PRKCB: variants seen among roughly 807,000 people sequenced by gnomAD.
The protein encoded by PRKCB is protein kinase C beta.
Under a neutral mutation model 81.5 loss-of-function variants are expected in PRKCB, and 13 were observed. That is an observed-to-expected ratio of 0.16 (90% CI 0.10 to 0.25). The LOEUF (loss-of-function observed/expected upper bound fraction) is 0.25. PRKCB is among the 10% of genes least tolerant of loss of function. PRKCB has a pLI of 1.00. For missense variants in PRKCB, 509 were observed against 875.7 expected (o/e 0.58, Z 5.29); for synonymous variants, 335 against 321.4 (o/e 1.04, Z -0.45).
chr16:23,890,591 GGCTA>G (rs1350131723), intron 2 of PRKCB, among the ~76,000 whole-genome samples: 1 of 152,188 alleles, frequency 6.6e-6, no homozygotes, highest in East Asian at 1.9e-4. Flanking sequence ...ATGGGCAAGA[GGCTA>G]GCTAGCTCCA....
chr16:24,156,700 A>T (rs1967165401), intron 10 of PRKCB, among the ~76,000 whole-genome samples: 1 of 152,242 alleles, frequency 6.6e-6, no homozygotes, highest in Non-Finnish European at 1.5e-5. Flanking sequence ...GGGTACACCT[A>T]ACCTTACTAG....
In PRKCB at chr16:24,154,747, G is replaced by A. The variant is rs1158950782; in HGVS notation, c.1129G>A (p.Val377Ile). ...LYAVKILKKD[V>I]VIQDDDVECT... Reference sequence around the variant, plus strand: ...TGCTGTGAAGATCCTGAAGAAGGACGTTGTGATCCAAGATGATGACGTGGA... The same window carrying A: ...TGCTGTGAAGATCCTGAAGAAGGACATTGTGATCCAAGATGATGACGTGGA... The change falls in exon 10 of 17, where the codon GTT (valine) becomes ATT (isoleucine). Residue 377 changes from valine to isoleucine, a missense_variant. Physicochemically the swap from Val to Ile is conservative, Grantham distance 29. Coordinates refer to ENST00000643927, the MANE Select transcript of PRKCB (RefSeq NM_002738.7). 5 of 1,614,082 alleles carry A rather than the reference G, an allele frequency of 3.1e-6. No individual in the cohort carries two copies. The highest frequency in any genetic ancestry group is 3.4e-6 in the Non-Finnish European group (4 of 1,180,030).
At chr16:24,023,658 G>T (rs185413769) in intron 3 of PRKCB, among the ~76,000 whole-genome samples, 1 of 152,094 alleles carries the variant, frequency 6.6e-6, no homozygotes, top group Non-Finnish European at 1.5e-5. Flanking sequence ...GTGAGCCACC[G>T]CACCCGGCCA....
chr16:24,201,660 C>T (rs1967959112), intron 16 of PRKCB, among the ~76,000 whole-genome samples: 1 of 151,838 alleles, frequency 6.6e-6, no homozygotes, highest in Admixed American at 6.6e-5. Flanking sequence ...CTAATCCAGA[C>T]ATTTTGAAAA....
chr16:23,922,040 T>G (rs1963833154), intron 2 of PRKCB, among the ~76,000 whole-genome samples: 1 of 152,188 alleles, frequency 6.6e-6, no homozygotes, highest in Non-Finnish European at 1.5e-5. Flanking sequence ...AATTACTGAC[T>G]GAGATGTTTG....
intron 5 of PRKCB, among the ~76,000 whole-genome samples, chr16:24,071,853 A>G (rs1966112256): frequency 6.6e-6 from 1 of 152,102 alleles, no homozygotes; most frequent in African/African-American, 2.4e-5. Flanking sequence ...AGTTGCAGTA[A>G]CCATGCCCAA....
chr16:24,007,375 G>T (rs1216627673), intron 3 of PRKCB, among the ~76,000 whole-genome samples: 1 of 152,196 alleles, frequency 6.6e-6, no homozygotes, highest in East Asian at 1.9e-4. Flanking sequence ...CTGCAAAATG[G>T]AAAGGCATCT....
At chr16:24,131,678 A>G (rs1966853571) in intron 9 of PRKCB, among the ~76,000 whole-genome samples, 1 of 152,184 alleles carries the variant, frequency 6.6e-6, no homozygotes, top group Admixed American at 6.5e-5. Flanking sequence ...ATATATGTGA[A>G]ATCACAAGTT....
At chr16:24,199,869 C>A (rs948595570) in intron 16 of PRKCB, among the ~76,000 whole-genome samples, 1 of 152,260 alleles carries the variant, frequency 6.6e-6, no homozygotes, top group African/African-American at 2.4e-5. Context: ...TGCACAAGAC[C>A]CTTGTAAAGA....
chr16:24,013,847 C>T (rs2141839316), intron 3 of PRKCB, among the ~76,000 whole-genome samples: 1 of 151,170 alleles, frequency 6.6e-6, no homozygotes, highest in South Asian at 2.1e-4. Context: ...TCAGTTAGGG[C>T]CCTTGTCTAT....
At chr16:23,956,608 T>C (rs1964352440) in intron 2 of PRKCB, among the ~76,000 whole-genome samples, 2 of 152,222 alleles carry the variant, frequency 1.3e-5, no homozygotes, top group South Asian at 4.1e-4. Flanking sequence ...TTTTTAGTTG[T>C]AATAGATATT....
rs1597232114 is a variant in PRKCB at position 23,893,201 on chromosome 16, A to T, written c.205+55795A>T. On this transcript the variant is annotated intron_variant, in intron 2 of 16. Transcript: ENST00000643927. ...GGGAGAAGTAAGAAGGAAACATGAG[A>T]CAGAGAGGCAGCAGGAGCAGAATGA... 7 of 152,416 alleles carry T rather than the reference A, an allele frequency of 4.6e-5. 1 individual carries two copies. The highest frequency in any genetic ancestry group is 4.6e-4 in the Admixed American group (7 of 15,298). 9.4% of individuals were successfully genotyped at this position (152,416 alleles called of 1,614,324 possible). A position where few individuals can be genotyped will look rare whatever the true frequency, so the allele number is the denominator to read the frequency against.
chr16:24,019,186 T>G (rs74539606), intron 3 of PRKCB, among the ~76,000 whole-genome samples: 2 of 151,212 alleles, frequency 1.3e-5, no homozygotes, highest in African/African-American at 4.9e-5. Context: ...TTTTTTTTTT[T>G]GGTGTATCCT....
intron 2 of PRKCB, among the ~76,000 whole-genome samples, chr16:23,858,418 C>T (rs540254396): frequency 3.7e-4 from 57 of 152,162 alleles, no homozygotes; most frequent in African/African-American, 1.1e-3. Flanking sequence ...ATCTGGTATA[C>T]GGGATGGTGA....
At chr16:24,183,435 A>G (rs943360979) in intron 13 of PRKCB, among the ~76,000 whole-genome samples, 7 of 152,196 alleles carry the variant, frequency 4.6e-5, no homozygotes, top group African/African-American at 1.7e-4. Flanking sequence ...AGTCTCTTGA[A>G]TTTATTCCTG....
chr16:23,935,749 C>T (rs1199871493), intron 2 of PRKCB, among the ~76,000 whole-genome samples: 1 of 152,112 alleles, frequency 6.6e-6, no homozygotes. Flanking sequence ...AGCTGGAGGC[C>T]ATTATTTTAA....
At chr16:23,987,402 G>C (rs554547211) in intron 2 of PRKCB, among the ~76,000 whole-genome samples, 6 of 73,090 alleles carry the variant, frequency 8.2e-5, no homozygotes, top group African/African-American at 2.0e-4. Flanking sequence ...TGGTTGGGGT[G>C]GGGGGGGGTG....
chr16:23,845,274 T>A (rs1395273691), intron 2 of PRKCB, among the ~76,000 whole-genome samples: 1 of 152,126 alleles, frequency 6.6e-6, no homozygotes, highest in African/African-American at 2.4e-5. Flanking sequence ...TCATTTTTAT[T>A]AGGTACTTTG....
intron 2 of PRKCB, chr16:23,869,152 G>A (rs1323287673): frequency 2.2e-6 from 1 of 453,658 alleles, no homozygotes; most frequent in Non-Finnish European, 4.4e-6. Flanking sequence ...TGGAGCATTG[G>A]CCAATGGAAC....
Sources: allele counts gnomAD v4.1 joint callset (sites outside exome capture counted in the v4.1 genomes callset), GRCh38; gene constraint gnomAD v4.1.1; transcripts MANE v1.5; gene names NCBI Gene and HGNC (gene_info 2026-07-23, HGNC 2026-07-21).